KIAA1217: variants seen among roughly 807,000 people sequenced by gnomAD.
The protein encoded by KIAA1217 is sickle tail protein homolog.
KIAA1217 carries 88 observed loss-of-function variants against 163.9 expected under a neutral mutation model. The observed-to-expected ratio is 0.54, with a 90% CI of 0.45 to 0.64. The LOEUF (loss-of-function observed/expected upper bound fraction) is 0.64, where lower values mean the gene tolerates loss of function less well. Ranked by LOEUF, KIAA1217 falls within the 30% of genes least tolerant of loss-of-function variation. The probability of loss-of-function intolerance (pLI) is 0.00; values close to 1 mark genes in which losing one functional copy is unlikely to be tolerated. For missense variants in KIAA1217, 2,372 were observed against 2,475.0 expected (o/e 0.96, Z 0.88); for synonymous variants, 903 against 923.1 (o/e 0.98, Z 0.39).
intron 1 of KIAA1217, among the ~76,000 whole-genome samples, chr10:23,736,611 C>T (rs2130800148): frequency 6.6e-6 from 1 of 152,274 alleles, no homozygotes; most frequent in Admixed American, 6.5e-5. Context: ...CAGCCTCAAA[C>T]TCCTGGGCAC....
intron 2 of KIAA1217, among the ~76,000 whole-genome samples, chr10:24,220,446 C>CT (rs530992369): frequency 0.024 from 2,485 of 102,988 alleles, 587 homozygotes; most frequent in African/African-American, 0.096. Context: ...TTCTGCTCTT[C>CT]TTTTTTTTTT....
At chr10:24,304,144 T>G (rs1479262330) in intron 2 of KIAA1217, among the ~76,000 whole-genome samples, 4 of 131,138 alleles carry the variant, frequency 3.1e-5, no homozygotes, top group South Asian at 2.4e-4. Context: ...TTTTTTTTTT[T>G]GCATGGAAAA....
intron 2 of KIAA1217, among the ~76,000 whole-genome samples, chr10:24,346,280 A>G (rs2133925838): frequency 6.6e-6 from 1 of 152,186 alleles, no homozygotes; most frequent in Middle Eastern, 3.4e-3. Context: ...CCTGGCTAAC[A>G]CAGTGAAACA....
rs548439060 is a variant in KIAA1217, at chr10:24,472,137, C to G, written c.847-1091C>G. On this transcript the variant is annotated intron_variant, in intron 5 of 20. Coordinates refer to ENST00000376454, the MANE Select transcript of KIAA1217 (RefSeq NM_019590.5). ...TTTCTATTAAGTGGAAGTGGATCAT[C>G]ATAAAGGTCTTCATCCTCGTCAACT... Among the ~76,000 whole-genome samples, 3 of 152,180 alleles carry G rather than the reference C, an allele frequency of 2.0e-5. No individual in the cohort carries two copies. In the East Asian group the frequency reaches 5.8e-4, roughly 29 times the overall value.
In KIAA1217 at chr10:24,368,788, C is replaced by T. The variant is rs115291501; in HGVS notation, c.355-12081C>T. The T allele has an allele frequency of 5.5e-4, 515 of 941,058 alleles. 1 individual carries two copies. In the African/African-American group the frequency reaches 8.7e-3, roughly 16 times the overall value. The allele number at this position is 941,058 out of a possible 1,614,324, so 58.3% of individuals were successfully genotyped here. A position where few individuals can be genotyped will look rare whatever the true frequency, so the allele number is the denominator to read the frequency against. ...CAGAAGCTACGGGACTTCCCAAGAA[C>T]AGTAGGAAGCTGAGCCATCTAGAAT... On this transcript the variant is annotated intron_variant, in intron 2 of 20. Transcript: ENST00000376454.
intron 6 of KIAA1217, among the ~76,000 whole-genome samples, chr10:24,480,579 C>A (rs1306194768): frequency 2.0e-5 from 3 of 152,170 alleles, no homozygotes; most frequent in Admixed American, 2.0e-4. Context: ...ATCTACCCCA[C>A]AGGATGCAAC....
chr10:24,205,906 T>C (rs1475150722), upstream of KIAA1217, among the ~76,000 whole-genome samples: 3 of 152,236 alleles, frequency 2.0e-5, no homozygotes, highest in Non-Finnish European at 4.4e-5. Flanking sequence ...ATTCTCTTTA[T>C]GGTGAATGCC....
In KIAA1217 at chr10:24,501,461, C is replaced by T. The variant is rs773691200; in HGVS notation, c.1917C>T (p.Thr639=). The T allele has an allele frequency of 6.2e-6, 10 of 1,613,972 alleles. No individual in the cohort carries two copies. The highest frequency in any genetic ancestry group is 8.5e-6 in the Non-Finnish European group (10 of 1,180,022). The change falls in exon 9 of 21, where the codon ACC becomes ACT. Residue 639 remains threonine (T), a synonymous_variant. Transcript: ENST00000376454. ...VPPSQPPPVG[T]SAIHMSLLEM... is the part of the protein sequence containing the mutation. ...CCAGCCAGCCTCCACCTGTGGGCAC[C>T]TCAGCCATCCACATGAGCCTGCTTG...
At chr10:24,091,723 G>T (rs1483681045) in intron 2 of KIAA1217, among the ~76,000 whole-genome samples, 1 of 151,830 alleles carries the variant, frequency 6.6e-6, no homozygotes. Flanking sequence ...TGAACTTGCA[G>T]CTTTGCTTCT....
intron 1 of KIAA1217, among the ~76,000 whole-genome samples, chr10:23,878,390 T>A (rs1318605477): frequency 1.3e-5 from 2 of 151,968 alleles, no homozygotes; most frequent in African/African-American, 4.8e-5. Flanking sequence ...TAAATGATTT[T>A]GTTTCCAGAG....
At chr10:23,983,318 C>G (rs2131417948) in intron 1 of KIAA1217, among the ~76,000 whole-genome samples, 1 of 152,192 alleles carries the variant, frequency 6.6e-6, no homozygotes, top group East Asian at 1.9e-4. Context: ...AAGGAAATAC[C>G]TTAGACTTGA....
chr10:23,820,179 G>C (rs575354260), intron 1 of KIAA1217, among the ~76,000 whole-genome samples: 26 of 152,240 alleles, frequency 1.7e-4, no homozygotes, highest in Admixed American at 1.6e-3. Flanking sequence ...AAACATCGAA[G>C]CATAAAATTC....
At chr10:23,986,545 G>A (rs12259736) in intron 1 of KIAA1217, among the ~76,000 whole-genome samples, 1 of 144,696 alleles carries the variant, frequency 6.9e-6, no homozygotes, top group Admixed American at 6.9e-5. Flanking sequence ...TATTGGTTTA[G>A]TTGTATTATT....
chr10:24,366,243 G>C (rs2050767043), intron 2 of KIAA1217, among the ~76,000 whole-genome samples: 1 of 152,080 alleles, frequency 6.6e-6, no homozygotes, highest in Non-Finnish European at 1.5e-5. Flanking sequence ...TTAGGAGTTT[G>C]AGACCAGCCT....
rs1488418959 is a variant in KIAA1217, at chr10:23,704,202, A to G, written c.-321+8968A>G. 4.1e-4 allele frequency among the ~76,000 whole-genome samples: 53 copies of G among 128,342 alleles called. 2 individuals are homozygous for G. The highest frequency in any genetic ancestry group is 3.1e-4 in the Admixed American group (4 of 12,908). 84.2% of individuals were successfully genotyped at this position (128,342 alleles called of 152,430 possible). ...TATATATATATATATATATATATAT[A>G]TATATATATAGTGAGCTCAGTGGTA... On this transcript the variant is annotated intron_variant, in intron 1 of 18. Coordinates refer to the KIAA1217 transcript ENST00000376462.
At chr10:24,117,060 G>A (rs1472082822) in intron 2 of KIAA1217, among the ~76,000 whole-genome samples, 1 of 151,294 alleles carries the variant, frequency 6.6e-6, no homozygotes. Context: ...GGGGGGGGAT[G>A]GAGTTTTGCT....
chr10:24,291,590 G>A lies in KIAA1217; in HGVS notation c.354+71681G>A, dbSNP rs139955364. ...TACCTCTCCCAGTCCTCTTTGGAGCGTGAGGACACTTGTAAGGCAGTCTGT... is the reference window on the plus strand; with the variant it reads ...TACCTCTCCCAGTCCTCTTTGGAGCATGAGGACACTTGTAAGGCAGTCTGT... On this transcript the variant is annotated intron_variant, in intron 2 of 20. Coordinates refer to ENST00000376454, the MANE Select transcript of KIAA1217 (RefSeq NM_019590.5). Among the ~76,000 whole-genome samples, 74 of 152,246 alleles carry A rather than the reference G, an allele frequency of 4.9e-4. No individual in the cohort carries two copies. In the East Asian group the frequency reaches 0.013, roughly 26 times the overall value.
chr10:24,200,095 T>C (rs2067179713), intron 2 of KIAA1217, among the ~76,000 whole-genome samples: 1 of 152,058 alleles, frequency 6.6e-6, no homozygotes, highest in African/African-American at 2.4e-5. Context: ...CTTCCTTCTC[T>C]ACCTCCTGCT....
At chr10:24,196,179 C>A (rs568692257) in intron 2 of KIAA1217, among the ~76,000 whole-genome samples, 20 of 144,730 alleles carry the variant, frequency 1.4e-4, no homozygotes, top group Admixed American at 6.7e-4. Flanking sequence ...ACACTGCCCT[C>A]ACAAGTTGGA....
Sources: gnomAD v4.1 joint callset for allele counts (sites outside exome capture counted in the v4.1 genomes callset) on GRCh38, gnomAD v4.1.1 for gene constraint, MANE v1.5 for transcripts, NCBI Gene and HGNC (gene_info 2026-07-23, HGNC 2026-07-21) for gene names.